Variants in BLTP1 observed in about 807,000 individuals in gnomAD.
BLTP1 encodes the protein bridge-like lipid transfer protein family member 1.
At chr4:122,160,510 C>G in the BLTP1 span, among the ~76,000 whole-genome samples, 1 of 152,064 alleles carries the variant, frequency 6.6e-6, no homozygotes, top group East Asian at 1.9e-4. Flanking sequence ...GTGAGGTATT[C>G]AATTGCAGTA....
chr4:122,221,885 C>T, the BLTP1 span: 3 of 984,238 alleles, frequency 3.0e-6, no homozygotes, highest in East Asian at 3.4e-4. Context: ...CCTGGTAGCC[C>T]TTCAACTTTT....
the BLTP1 span, chr4:122,349,642 G>T: frequency 6.3e-7 from 1 of 1,594,440 alleles, no homozygotes; most frequent in Non-Finnish European, 8.6e-7. The surrounding 1 kb of genome is among the most constrained non-coding windows in gnomAD (Gnocchi z 4.5). Context: ...ACTGATAAAA[G>T]GTATTTATTA....
the BLTP1 span, among the ~76,000 whole-genome samples, chr4:122,238,871 TACTC>T: frequency 6.6e-6 from 1 of 152,208 alleles, no homozygotes; most frequent in East Asian, 1.9e-4. Flanking sequence ...TTTCTCCACT[TACTC>T]TATATTATTT....
the BLTP1 span, among the ~76,000 whole-genome samples, chr4:122,253,723 A>C: frequency 1.3e-5 from 2 of 152,176 alleles, no homozygotes; most frequent in Admixed American, 6.5e-5. Context: ...AGACGGGTGG[A>C]AAGTTTGTTT....
the BLTP1 span, chr4:122,237,458 GA>G: frequency 1.5e-6 from 1 of 687,040 alleles, no homozygotes; most frequent in Non-Finnish European, 1.8e-6. Context: ...ATCAGTGAAT[GA>G]AAAATGATAC....
the BLTP1 span, chr4:122,275,958 C>A: frequency 1.3e-6 from 2 of 1,534,440 alleles, no homozygotes; most frequent in Non-Finnish European, 8.7e-7. Context: ...TTTCTCTTGA[C>A]TCTTCATCTG....
chr4:122,228,652 C>T, the BLTP1 span, among the ~76,000 whole-genome samples: 1 of 152,060 alleles, frequency 6.6e-6, no homozygotes, highest in East Asian at 1.9e-4. Context: ...TCATAAAAAT[C>T]TGTGTTTTAG....
At chr4:122,348,507 G>A in the BLTP1 span, 1 of 1,412,732 alleles carries the variant, frequency 7.1e-7, no homozygotes, top group Admixed American at 2.6e-5. Flanking sequence ...AATAGTTTTT[G>A]CTTTGTAACT....
At chr4:122,270,458 TGAA>T in the BLTP1 span, 1 of 548,958 alleles carries the variant, frequency 1.8e-6, no homozygotes, top group Non-Finnish European at 2.3e-6. Flanking sequence ...TAGTCTTACA[TGAA>T]AATCTTTAGA....
chr4:122,238,335 A>T, the BLTP1 span: 1 of 1,613,844 alleles, frequency 6.2e-7, no homozygotes, highest in Non-Finnish European at 8.5e-7. Context: ...ACAAAAAGAG[A>T]TGATGGCCAA....
At chr4:122,287,531 T>C in the BLTP1 span, 2 of 975,002 alleles carry the variant, frequency 2.1e-6, no homozygotes, top group African/African-American at 3.5e-5. Context: ...TCAGACACAC[T>C]GTGCTGTGTC....
chr4:122,164,801 T>C, the BLTP1 span, among the ~76,000 whole-genome samples: 178 of 152,220 alleles, frequency 1.2e-3, no homozygotes, highest in African/African-American at 3.9e-3. Flanking sequence ...CAAATGTTAA[T>C]ACAAAACTTT....
the BLTP1 span, chr4:122,264,256 T>C: frequency 6.2e-7 from 1 of 1,600,894 alleles, no homozygotes; most frequent in Non-Finnish European, 8.5e-7. Flanking sequence ...CATTAGGTGT[T>C]GCACCCAATC....
At chr4:122,237,899 C>T in the BLTP1 span, 1 of 222,428 alleles carries the variant, frequency 4.5e-6, no homozygotes, top group Non-Finnish European at 7.3e-6. Context: ...AGGAGAATCT[C>T]TTGAACCCGG....
At chr4:122,290,928 A>G in the BLTP1 span, 29 of 537,122 alleles carry the variant, frequency 5.4e-5, no homozygotes, top group East Asian at 3.5e-3. Context: ...ATAGACTCTT[A>G]CATGAACTAA....
the BLTP1 span, chr4:122,174,723 G>C: frequency 8.4e-7 from 1 of 1,185,974 alleles, no homozygotes; most frequent in Non-Finnish European, 1.2e-6. Flanking sequence ...AATGTTTTAT[G>C]ATATTTTATT....
the BLTP1 span, chr4:122,178,094 G>C: frequency 1.1e-6 from 1 of 873,900 alleles, no homozygotes; most frequent in Non-Finnish European, 1.4e-6. Context: ...ACAAAACATT[G>C]AGAAACATCT....
At chr4:122,343,701 A>G in the BLTP1 span, 2 of 1,356,212 alleles carry the variant, frequency 1.5e-6, no homozygotes, top group African/African-American at 1.5e-5. Context: ...GACATAGCCA[A>G]GATCAGATGC....
At chr4:122,298,671 A>C in the BLTP1 span, 1 of 13,242 alleles carries the variant, frequency 7.6e-5, no homozygotes, top group South Asian at 3.2e-3. Context: ...GTATTTAAAC[A>C]TATAATAATA....
Sources: allele counts gnomAD v4.1 joint callset (sites outside exome capture counted in the v4.1 genomes callset), GRCh38; gene constraint gnomAD v4.1.1; non-coding constraint Gnocchi (gnomAD v3.1); transcripts MANE v1.5; gene names NCBI Gene and HGNC (gene_info 2026-07-23, HGNC 2026-07-21).